Variants in PCOLCE2 observed in about 807,000 individuals in gnomAD.
The protein encoded by PCOLCE2 is procollagen C-proteinase enhancer 2.
Under a neutral mutation model 47.0 loss-of-function variants are expected in PCOLCE2, and 42 were observed. That is an observed-to-expected ratio of 0.89 (90% CI 0.70 to 1.16). The LOEUF is 1.16. PCOLCE2 is among the 50% of genes most tolerant of loss of function. PCOLCE2 has a pLI of 0.00. For synonymous variants in PCOLCE2, 169 were observed against 191.7 expected (o/e 0.88, Z 0.98); for missense variants, 500 against 526.1 (o/e 0.95, Z 0.49).
chr3:142,831,162 A>G (rs1410512415), intron 5 of PCOLCE2, among the ~76,000 whole-genome samples: 1 of 152,266 alleles, frequency 6.6e-6, no homozygotes, highest in Non-Finnish European at 1.5e-5. Context: ...GTGGGGCAGT[A>G]TTGAGAAATG....
intron 2 of PCOLCE2, among the ~76,000 whole-genome samples, chr3:142,854,292 T>C (rs1221869247): frequency 6.6e-6 from 1 of 152,032 alleles, no homozygotes; most frequent in African/African-American, 2.4e-5. Context: ...CATTCTAAAA[T>C]GCAGACCACA....
intron 5 of PCOLCE2, among the ~76,000 whole-genome samples, chr3:142,836,173 G>A (rs755284376): frequency 3.9e-5 from 6 of 152,172 alleles, no homozygotes; most frequent in Non-Finnish European, 7.4e-5. Flanking sequence ...CTGGTTTTTG[G>A]TCAGAAATTC....
chr3:142,879,836 G>A (rs942203528), intron 2 of PCOLCE2, among the ~76,000 whole-genome samples: 4 of 151,642 alleles, frequency 2.6e-5, no homozygotes, highest in Admixed American at 2.0e-4. Context: ...CAGGCGTGGT[G>A]GGGGGGCGCC....
At chr3:142,878,258 C>T (rs1299974311) in intron 2 of PCOLCE2, among the ~76,000 whole-genome samples, 3 of 152,096 alleles carry the variant, frequency 2.0e-5, no homozygotes, top group African/African-American at 7.2e-5. Context: ...ATTCCAACTC[C>T]CCACTTCTCT....
intron 6 of PCOLCE2, among the ~76,000 whole-genome samples, chr3:142,829,337 C>T (rs1451085855): frequency 6.6e-6 from 1 of 150,418 alleles, no homozygotes; most frequent in Non-Finnish European, 1.5e-5. Flanking sequence ...GATAGCAAGG[C>T]CCTAGAACTT....
chr3:142,841,564 T>A (rs952851194), intron 4 of PCOLCE2, among the ~76,000 whole-genome samples: 1 of 152,106 alleles, frequency 6.6e-6, no homozygotes, highest in Non-Finnish European at 1.5e-5. Context: ...AATTACTTTA[T>A]AAAACATTCA....
chr3:142,831,306 G>A (rs193018961), intron 5 of PCOLCE2, among the ~76,000 whole-genome samples: 18 of 152,274 alleles, frequency 1.2e-4, no homozygotes, highest in Non-Finnish European at 4.4e-5. Context: ...TTTATAAGAC[G>A]AGAGACCTGA....
chr3:142,875,207 C>G (rs868541136), intron 2 of PCOLCE2, among the ~76,000 whole-genome samples: 1 of 152,168 alleles, frequency 6.6e-6, no homozygotes, highest in African/African-American at 2.4e-5. Flanking sequence ...CACAAATACA[C>G]GTATCTTTAA....
chr3:142,849,017 G>A (rs1411664764), intron 2 of PCOLCE2, among the ~76,000 whole-genome samples: 1 of 152,084 alleles, frequency 6.6e-6, no homozygotes, highest in African/African-American at 2.4e-5. Context: ...GCCGGGTGTG[G>A]TGGGGGGCGC....
chr3:142,827,381 C>G, intron 6 of PCOLCE2: 2 of 1,551,062 alleles, frequency 1.3e-6, no homozygotes, highest in Non-Finnish European at 1.8e-6. Flanking sequence ...AACCACAGCT[C>G]TGTTGGCTGA....
intron 6 of PCOLCE2, 31 bp from the exon 7 acceptor site, chr3:142,823,646 A>G: frequency 7.8e-7 from 1 of 1,289,826 alleles, no homozygotes; most frequent in Non-Finnish European, 1.1e-6. Context: ...AGTTTCACGA[A>G]AAATGAATTC....
rs146009800 is a variant in PCOLCE2, at chr3:142,877,219, C to T, written c.192+10450G>A. On this transcript the variant is annotated intron_variant, in intron 2 of 8. Coordinates refer to ENST00000295992, the MANE Select transcript of PCOLCE2 (RefSeq NM_013363.4). The stretch of plus-strand genomic sequence containing the variant: ...AAAAGTCTTAACGGTTATGGAATGC[C>T]CTTGGTTGATGATGGGGTAGGCAGT... Among the ~76,000 whole-genome samples the T allele has an allele frequency of 1.5e-4, 23 of 152,172 alleles. No homozygotes were observed. In the East Asian group the frequency reaches 3.9e-3, roughly 26 times the overall value.
intron 2 of PCOLCE2, among the ~76,000 whole-genome samples, chr3:142,872,855 T>C (rs1208976754): frequency 6.6e-6 from 1 of 152,190 alleles, no homozygotes; most frequent in Non-Finnish European, 1.5e-5. Context: ...GATTTACTAT[T>C]AATTCATCCT....
intron 5 of PCOLCE2, among the ~76,000 whole-genome samples, chr3:142,835,291 T>C (rs1183519152): frequency 1.3e-5 from 2 of 152,210 alleles, no homozygotes; most frequent in Non-Finnish European, 1.5e-5. Context: ...AATTTTACAA[T>C]TATTACATCT....
intron 3 of PCOLCE2, chr3:142,846,816 T>C (rs1937333296): frequency 6.6e-6 from 1 of 152,228 alleles, no homozygotes; most frequent in African/African-American, 2.4e-5. Context: ...AATTTATTTT[T>C]TAATAGTTCC....
intron 3 of PCOLCE2, among the ~76,000 whole-genome samples, chr3:142,846,094 TTC>T (rs951106626): frequency 9.9e-5 from 15 of 152,206 alleles, no homozygotes; most frequent in African/African-American, 3.4e-4. Context: ...TTTCAAGATT[TTC>T]TCTGTCTTTA....
At chr3:142,864,762 T>C (rs1266028466) in intron 2 of PCOLCE2, among the ~76,000 whole-genome samples, 1 of 152,196 alleles carries the variant, frequency 6.6e-6, no homozygotes, top group East Asian at 1.9e-4. Flanking sequence ...AATCAAACAG[T>C]ATGTGGTCTA....
At chr3:142,850,847 A>C (rs1932924393) in intron 2 of PCOLCE2, among the ~76,000 whole-genome samples, 1 of 152,150 alleles carries the variant, frequency 6.6e-6, no homozygotes, top group Non-Finnish European at 1.5e-5. Flanking sequence ...GAGTTTTTGC[A>C]ATGGGTGTTT....
At chr3:142,862,894 T>A (rs1196839307) in intron 2 of PCOLCE2, among the ~76,000 whole-genome samples, 1 of 152,070 alleles carries the variant, frequency 6.6e-6, no homozygotes, top group Non-Finnish European at 1.5e-5. Flanking sequence ...TAAATAATGC[T>A]ATTATAAACA....
Sources: allele counts gnomAD v4.1 joint callset (sites outside exome capture counted in the v4.1 genomes callset), GRCh38; gene constraint gnomAD v4.1.1; transcripts MANE v1.5; gene names NCBI Gene and HGNC (gene_info 2026-07-23, HGNC 2026-07-21).